Variants in MCTP1 observed in about 807,000 individuals in gnomAD.
The protein encoded by MCTP1 is multiple C2 and transmembrane domain containing 1.
Under a neutral mutation model 120.6 loss-of-function variants are expected in MCTP1, and 69 were observed. The observed-to-expected ratio is 0.57, with a 90% CI of 0.47 to 0.70. The LOEUF is 0.70. Among genes scored for constraint, MCTP1 ranks in the 30% least tolerant of loss-of-function variants. MCTP1 has a pLI of 0.00. For synonymous variants in MCTP1, 529 were observed against 493.1 expected (o/e 1.07, Z -0.96); for missense variants, 1,203 against 1,248.8 (o/e 0.96, Z 0.55).
intron 19 of MCTP1, among the ~76,000 whole-genome samples, chr5:94,740,907 C>G (rs1314387300): frequency 6.6e-6 from 1 of 152,084 alleles, no homozygotes; most frequent in Non-Finnish European, 1.5e-5. Flanking sequence ...AGAAGACTTC[C>G]TGGAGAAGGT....
intron 1 of MCTP1, among the ~76,000 whole-genome samples, chr5:95,040,305 G>A (rs541329564): frequency 6.6e-6 from 1 of 152,050 alleles, no homozygotes; most frequent in Admixed American, 6.6e-5. Flanking sequence ...AGGCATGGTG[G>A]TTCACACTTG....
At position 94,867,617 on chromosome 5, in the gene MCTP1, A is replaced by G. The variant is rs1797068811; in HGVS notation, c.2436+716T>C. The G allele has an allele frequency of 7.7e-6, 3 of 387,116 alleles. No homozygotes were observed. In the East Asian group the frequency reaches 1.2e-4, roughly 15 times the overall value. 24.0% of individuals were successfully genotyped at this position (387,116 alleles called of 1,614,324 possible). A position where few individuals can be genotyped will look rare whatever the true frequency, so the allele number is the denominator to read the frequency against. On this transcript the variant is annotated intron_variant, in intron 17 of 22. Transcript: ENST00000515393. ...ATGACTCTACTTAAACTTCAAACTG[A>G]AATCCTGAAAAAGCCAAAATAATGT...
chr5:95,104,541 A>G (rs996257731), intron 1 of MCTP1, among the ~76,000 whole-genome samples: 1 of 152,206 alleles, frequency 6.6e-6, no homozygotes, highest in African/African-American at 2.4e-5. Flanking sequence ...TCTCCAATCC[A>G]TAGGCATAAG....
intron 12 of MCTP1, among the ~76,000 whole-genome samples, chr5:94,875,433 G>C (rs1197986555): frequency 1.3e-5 from 2 of 152,082 alleles, no homozygotes; most frequent in Non-Finnish European, 1.5e-5. Flanking sequence ...CAGGTCTGGA[G>C]ATAGTGGCAG....
At position 95,182,738 on chromosome 5, in the gene MCTP1, TG is replaced by T. The variant is rs1192309091; in HGVS notation, c.720+101117del. On this transcript the variant is annotated intron_variant, in intron 1 of 22. Transcript: ENST00000515393. The stretch of plus-strand genomic sequence containing the variant: ...ATCATTTTTAAAATTATAAAAAAAA[TG>T]GGGGGGACTCATGTTAACTGGCTTA... Among the ~76,000 whole-genome samples, 7 of 151,644 alleles carry T rather than the reference TG, an allele frequency of 4.6e-5. No individual in the cohort carries two copies. In the South Asian group the frequency reaches 1.0e-3, roughly 23 times the overall value.
At chr5:95,261,884 T>G (rs1758501820) in intron 1 of MCTP1, among the ~76,000 whole-genome samples, 1 of 152,196 alleles carries the variant, frequency 6.6e-6, no homozygotes, top group Admixed American at 6.5e-5. Flanking sequence ...TAACCCACAA[T>G]GTGGTTTCAA....
At chr5:95,138,372 G>A (rs1227652800) in intron 1 of MCTP1, among the ~76,000 whole-genome samples, 1 of 152,120 alleles carries the variant, frequency 6.6e-6, no homozygotes, top group African/African-American at 2.4e-5. Context: ...AGCTGAATAA[G>A]AACACAGCCT....
chr5:95,106,472 G>A (rs1405040852), intron 1 of MCTP1, among the ~76,000 whole-genome samples: 1 of 152,162 alleles, frequency 6.6e-6, no homozygotes, highest in Non-Finnish European at 1.5e-5. Context: ...GGAGACCCTT[G>A]GATCCTGTTG....
chr5:95,231,135 T>A (rs1754891777), intron 1 of MCTP1, among the ~76,000 whole-genome samples: 1 of 152,190 alleles, frequency 6.6e-6, no homozygotes, highest in Admixed American at 6.5e-5. Flanking sequence ...ACTGAAAGAC[T>A]GAAAATTTTT....
chr5:95,124,532 G>A (rs546534744), intron 1 of MCTP1, among the ~76,000 whole-genome samples: 1 of 152,332 alleles, frequency 6.6e-6, no homozygotes, highest in South Asian at 2.1e-4. Context: ...GTTTGAATAT[G>A]AGTAAGATTC....
intron 1 of MCTP1, among the ~76,000 whole-genome samples, chr5:95,167,414 G>A (rs1487331509): frequency 6.6e-6 from 1 of 152,122 alleles, no homozygotes; most frequent in Non-Finnish European, 1.5e-5. Flanking sequence ...AATCCTTTGG[G>A]TATATACCCA....
At chr5:95,250,400 G>A (rs62367262) in intron 1 of MCTP1, among the ~76,000 whole-genome samples, 7,360 of 152,198 alleles carry the variant, frequency 0.048, 224 homozygotes, top group Non-Finnish European at 0.074. Flanking sequence ...CAGGAACTTC[G>A]TGTTGTGTGT....
At chr5:94,885,539 CAT>C (rs1009538987) in intron 12 of MCTP1, among the ~76,000 whole-genome samples, 18 of 152,210 alleles carry the variant, frequency 1.2e-4, no homozygotes, top group Admixed American at 9.2e-4. Context: ...CTAAAAAAGA[CAT>C]ATGATAATAT....
intron 19 of MCTP1, among the ~76,000 whole-genome samples, chr5:94,731,302 G>A (rs1354889948): frequency 6.6e-6 from 1 of 152,006 alleles, no homozygotes; most frequent in African/African-American, 2.4e-5. Context: ...TCAAAAGATT[G>A]GACACCCCGA....
chr5:95,237,447 G>T lies in MCTP1; in HGVS notation c.720+46409C>A, dbSNP rs75698617. Among the ~76,000 whole-genome samples, 240 of 152,320 alleles carry T rather than the reference G, an allele frequency of 1.6e-3. 4 individuals are homozygous for T. In the East Asian group the frequency reaches 0.041, roughly 26 times the overall value. On this transcript the variant is annotated intron_variant, in intron 1 of 22. Coordinates refer to ENST00000515393, the MANE Select transcript of MCTP1 (RefSeq NM_024717.7). ...CTCTGGTAAGACGGACCTCAAACCA[G>T]TACATTAAGAACTGCTTCAGTTCCT...
chr5:94,917,885 G>C lies in MCTP1; in HGVS notation c.1350+11C>G. 6.2e-7 allele frequency: 1 copy of C among 1,609,606 alleles called. No individual in the cohort carries two copies. The highest frequency in any genetic ancestry group is 8.5e-7 in the Non-Finnish European group (1 of 1,175,952). On this transcript the variant is annotated intron_variant, in intron 8 of 22. Coordinates refer to ENST00000515393, the MANE Select transcript of MCTP1 (RefSeq NM_024717.7). ...CAGAAAAAAATAAATGAACTGAATGGTTGAACTTACTTGTACATTTTTGCA... is the reference window on the plus strand; with the variant it reads ...CAGAAAAAAATAAATGAACTGAATGCTTGAACTTACTTGTACATTTTTGCA...
chr5:94,841,415 G>C (rs1181552416), intron 17 of MCTP1, among the ~76,000 whole-genome samples: 1 of 152,142 alleles, frequency 6.6e-6, no homozygotes, highest in Non-Finnish European at 1.5e-5. Flanking sequence ...TTTCTATGCT[G>C]TTGCTACTTA....
intron 19 of MCTP1, among the ~76,000 whole-genome samples, chr5:94,729,470 AG>A (rs1437698278): frequency 6.6e-6 from 1 of 152,202 alleles, no homozygotes; most frequent in Admixed American, 6.5e-5. Context: ...AGACATATCA[AG>A]GGGGTTGAGG....
intron 1 of MCTP1, among the ~76,000 whole-genome samples, chr5:95,069,888 A>G (rs1751698663): frequency 6.6e-6 from 1 of 151,796 alleles, no homozygotes. Flanking sequence ...TATTTTTAGT[A>G]GAGATGGGGT....
Sources: allele counts gnomAD v4.1 joint callset (sites outside exome capture counted in the v4.1 genomes callset), GRCh38; gene constraint gnomAD v4.1.1; transcripts MANE v1.5; gene names NCBI Gene and HGNC (gene_info 2026-07-23, HGNC 2026-07-21).